Variants in LSAMP observed in about 807,000 individuals in gnomAD.
The protein encoded by LSAMP is limbic system associated membrane protein.
LSAMP carries 7 observed loss-of-function variants against 38.6 expected under a neutral mutation model. The observed-to-expected ratio is 0.18, with a 90% CI of 0.10 to 0.34. The LOEUF (loss-of-function observed/expected upper bound fraction) is 0.34. LSAMP is among the 10% of genes least tolerant of loss of function. The probability of loss-of-function intolerance (pLI) is 1.00; values close to 1 mark genes in which losing one functional copy is unlikely to be tolerated. For missense variants in LSAMP, 313 were observed against 420.0 expected (o/e 0.75, Z 2.23); for synonymous variants, 154 against 166.8 (o/e 0.92, Z 0.59).
At chr3:116,069,564 A>C (rs1707550002) in intron 2 of LSAMP, among the ~76,000 whole-genome samples, 1 of 152,188 alleles carries the variant, frequency 6.6e-6, no homozygotes, top group African/African-American at 2.4e-5. Context: ...CCTCAGAAAA[A>C]AAAAAATGTG....
At chr3:116,442,132 C>G (rs16824908) in intron 1 of LSAMP, among the ~76,000 whole-genome samples, 38,218 of 152,016 alleles carry the variant, frequency 0.25, 5,239 homozygotes, top group African/African-American at 0.37. Context: ...CATAATTACA[C>G]TAAAGATCAT....
intron 1 of LSAMP, among the ~76,000 whole-genome samples, chr3:116,438,335 C>T (rs182093891): frequency 7.9e-5 from 12 of 152,194 alleles, no homozygotes; most frequent in African/African-American, 2.9e-4. Context: ...TTGATACATA[C>T]AATATCATTT....
intron 1 of LSAMP, among the ~76,000 whole-genome samples, chr3:116,343,244 T>A (rs940395597): frequency 6.6e-6 from 1 of 152,078 alleles, no homozygotes; most frequent in Non-Finnish European, 1.5e-5. Context: ...AAGTCAGACA[T>A]CTGCTGTAGA....
intron 1 of LSAMP, among the ~76,000 whole-genome samples, chr3:116,316,778 G>GAAAAAAAAAAAAAAA (rs35294836): frequency 8.4e-6 from 1 of 118,942 alleles, no homozygotes; most frequent in African/African-American, 3.2e-5. Flanking sequence ...CTCAAAAAAA[G>GAAAAAAAAAAAAAAA]AAAAAAAAAA....
chr3:116,114,117 C>G (rs979131748), intron 1 of LSAMP, among the ~76,000 whole-genome samples: 1 of 152,190 alleles, frequency 6.6e-6, no homozygotes, highest in Non-Finnish European at 1.5e-5. Flanking sequence ...AGGACCCCAG[C>G]GTCCTCACAT....
intron 1 of LSAMP, among the ~76,000 whole-genome samples, chr3:116,337,060 TA>T (rs2047929107): frequency 1.3e-5 from 2 of 151,788 alleles, no homozygotes; most frequent in South Asian, 4.2e-4. Flanking sequence ...CTAAATGAAA[TA>T]AATCAGTCAC....
chr3:116,014,020 T>C (rs1047297725), intron 3 of LSAMP, among the ~76,000 whole-genome samples: 1 of 152,192 alleles, frequency 6.6e-6, no homozygotes, highest in Non-Finnish European at 1.5e-5. Context: ...TCTCATTGAA[T>C]GCCATAATTT....
intron 2 of LSAMP, among the ~76,000 whole-genome samples, chr3:116,033,581 T>C (rs1161501548): frequency 2.0e-5 from 3 of 152,120 alleles, no homozygotes; most frequent in Non-Finnish European, 2.9e-5. Flanking sequence ...AGCTGATCAA[T>C]TCTCACAAAA....
intron 1 of LSAMP, among the ~76,000 whole-genome samples, chr3:116,253,381 T>A (rs1342094619): frequency 2.0e-5 from 3 of 152,146 alleles, no homozygotes; most frequent in Non-Finnish European, 4.4e-5. Context: ...GTTATAAACA[T>A]CAGCTAAACT....
At chr3:116,158,303 G>A (rs1015302132) in intron 1 of LSAMP, among the ~76,000 whole-genome samples, 1 of 152,036 alleles carries the variant, frequency 6.6e-6, no homozygotes, top group African/African-American at 2.4e-5. Context: ...ACAAGAGAAG[G>A]ATGCCCTCTC....
chr3:115,843,365 T>C (rs1935056166), intron 4 of LSAMP, among the ~76,000 whole-genome samples: 1 of 152,222 alleles, frequency 6.6e-6, no homozygotes, highest in Non-Finnish European at 1.5e-5. Context: ...CATGACTCAT[T>C]CAAACATTCA....
At chr3:116,270,116 T>TTTTA (rs1168921905) in intron 1 of LSAMP, among the ~76,000 whole-genome samples, 1 of 152,152 alleles carries the variant, frequency 6.6e-6, no homozygotes, top group East Asian at 1.9e-4. Context: ...TTTTCTTTGG[T>TTTTA]TTTATTTTGT....
At chr3:116,403,723 A>C (rs1182197345) in intron 1 of LSAMP, among the ~76,000 whole-genome samples, 1 of 152,032 alleles carries the variant, frequency 6.6e-6, no homozygotes, top group Admixed American at 6.6e-5. Flanking sequence ...TAAAAGTTGC[A>C]AAATGTAGAT....
At chr3:116,325,970 T>C (rs1460314422) in intron 1 of LSAMP, among the ~76,000 whole-genome samples, 1 of 152,162 alleles carries the variant, frequency 6.6e-6, no homozygotes, top group Non-Finnish European at 1.5e-5. Context: ...TTCCCCATGG[T>C]TCTCTTTTGC....
chr3:116,319,193 A>G (rs1362511365), intron 1 of LSAMP, among the ~76,000 whole-genome samples: 1 of 152,226 alleles, frequency 6.6e-6, no homozygotes, highest in Non-Finnish European at 1.5e-5. Flanking sequence ...AGTCAAATGC[A>G]AATTAAACTA....
intron 3 of LSAMP, among the ~76,000 whole-genome samples, chr3:115,961,669 G>A (rs1202211855): frequency 6.6e-6 from 1 of 152,146 alleles, no homozygotes; most frequent in African/African-American, 2.4e-5. Flanking sequence ...ACCACGTGGG[G>A]CAGTTCAGCC....
At chr3:115,918,573 C>T (rs1365236507) in intron 3 of LSAMP, among the ~76,000 whole-genome samples, 2 of 152,144 alleles carry the variant, frequency 1.3e-5, no homozygotes, top group East Asian at 1.9e-4. Flanking sequence ...GCCCCACAGT[C>T]AGCCCAATTA....
intron 3 of LSAMP, among the ~76,000 whole-genome samples, chr3:115,965,402 A>C (rs1938769074): frequency 6.6e-6 from 1 of 152,036 alleles, no homozygotes; most frequent in African/African-American, 2.4e-5. Flanking sequence ...AATGCAAAAA[A>C]AAATCAAAAC....
chr3:116,057,654 A>G (rs1219073123), intron 2 of LSAMP, among the ~76,000 whole-genome samples: 1 of 152,136 alleles, frequency 6.6e-6, no homozygotes, highest in Non-Finnish European at 1.5e-5. Flanking sequence ...TATATTATCT[A>G]GTCTGGAATT....
Sources: allele counts gnomAD v4.1 joint callset (sites outside exome capture counted in the v4.1 genomes callset), GRCh38; gene constraint gnomAD v4.1.1; transcripts MANE v1.5; gene names NCBI Gene and HGNC (gene_info 2026-07-23, HGNC 2026-07-21).